The following ZFPM2 variants were observed in gnomAD, a reference collection of about 807,000 sequenced individuals.
ZFPM2 encodes zinc finger protein, FOG family member 2.
Under a neutral mutation model 98.6 loss-of-function variants are expected in ZFPM2, and 20 were observed. The observed-to-expected ratio is 0.20, with a 90% CI of 0.14 to 0.29. ZFPM2 has a LOEUF of 0.29. ZFPM2 is among the 10% of genes least tolerant of loss of function. ZFPM2 has a pLI of 1.00. For missense variants in ZFPM2, 1,310 were observed against 1,388.6 expected, an observed-to-expected ratio of 0.94 and a Z score of 0.90; for synonymous variants, 518 against 502.7, an observed-to-expected ratio of 1.03 and a Z score of -0.41.
At chr8:105,655,367 G>T (rs1817263690) in intron 5 of ZFPM2, among the ~76,000 whole-genome samples, 1 of 151,808 alleles carries the variant, frequency 6.6e-6, no homozygotes, top group African/African-American at 2.4e-5. Context: ...GAGTAGCTGG[G>T]ATTACAGGCA....
chr8:105,483,890 C>T (rs9297364), intron 3 of ZFPM2, among the ~76,000 whole-genome samples: 5 of 151,046 alleles, frequency 3.3e-5, no homozygotes, highest in South Asian at 2.1e-4. Flanking sequence ...CCTGCCACCA[C>T]GCCCGGCTAA....
In ZFPM2 at chr8:105,582,906, T is replaced by A. The variant is rs143518440; in HGVS notation, c.420+21425T>A. ...ACCGTGCCCCTCCTGTTTTCAGTTT[T>A]TAGTGTGACAATTTATCTGCCCAGG... On this transcript the variant is annotated intron_variant, in intron 4 of 7. Coordinates refer to ENST00000407775, the MANE Select transcript of ZFPM2 (RefSeq NM_012082.4). Among the ~76,000 whole-genome samples the A allele has an allele frequency of 2.3e-3, 349 of 152,322 alleles. 1 individual carries two copies. The highest frequency in any genetic ancestry group is 8.0e-3 in the African/African-American group (331 of 41,576).
intron 1 of ZFPM2, among the ~76,000 whole-genome samples, chr8:105,400,421 A>G (rs982978631): frequency 4.9e-4 from 74 of 151,360 alleles, no homozygotes; most frequent in Non-Finnish European, 8.4e-4. Flanking sequence ...CACTCCCCCT[A>G]CCCCACAACA....
chr8:105,341,837 A>G (rs1479842969), intron 1 of ZFPM2, among the ~76,000 whole-genome samples: 7 of 152,026 alleles, frequency 4.6e-5, no homozygotes, highest in Non-Finnish European at 8.8e-5. Context: ...GGTGAACACA[A>G]AGCATCTAGA....
intron 3 of ZFPM2, among the ~76,000 whole-genome samples, chr8:105,507,538 GTGA>G (rs1813728548): frequency 6.6e-6 from 1 of 152,208 alleles, no homozygotes; most frequent in South Asian, 2.1e-4. Flanking sequence ...AGTGTTGCAT[GTGA>G]AATTCAAATG....
chr8:105,500,605 A>G (rs1813571737), intron 3 of ZFPM2, among the ~76,000 whole-genome samples: 1 of 152,188 alleles, frequency 6.6e-6, no homozygotes, highest in Non-Finnish European at 1.5e-5. Context: ...GGTTTTAAGA[A>G]GTGATAATAT....
intron 5 of ZFPM2, among the ~76,000 whole-genome samples, chr8:105,706,426 A>G (rs1586209827): frequency 6.6e-6 from 1 of 152,202 alleles, no homozygotes; most frequent in East Asian, 1.9e-4. Context: ...TAAAATGCTC[A>G]AAGGATTACT....
chr8:105,512,507 C>G (rs188468053), intron 3 of ZFPM2, among the ~76,000 whole-genome samples: 35 of 152,256 alleles, frequency 2.3e-4, no homozygotes, highest in African/African-American at 8.4e-4. Context: ...TAGTTTTATG[C>G]ATTTTTTATC....
At chr8:105,617,826 A>G (rs1816451839) in intron 4 of ZFPM2, among the ~76,000 whole-genome samples, 1 of 152,174 alleles carries the variant, frequency 6.6e-6, no homozygotes, top group Admixed American at 6.5e-5. Flanking sequence ...AATCTATTCT[A>G]TGTTATAATC....
Position 105,334,018 on chromosome 8 carries a change from A to G in ZFPM2, c.40+15037A>G, listed in dbSNP as rs1346980138. Reference sequence around the variant, plus strand: ...TTTTTAACCAAATATAATTTTAATAAGTTACAAATTAATACCAATAATTAA... The same window carrying G: ...TTTTTAACCAAATATAATTTTAATAGGTTACAAATTAATACCAATAATTAA... On this transcript the variant is annotated intron_variant, in intron 1 of 7. Transcript: ENST00000407775. 2.6e-5 allele frequency among the ~76,000 whole-genome samples: 4 copies of G among 151,656 alleles called. No homozygotes were observed. The East Asian group carries it at 7.8e-4, about 30-fold the overall frequency.
chr8:105,708,473 A>T (rs776044480), intron 5 of ZFPM2, among the ~76,000 whole-genome samples: 48 of 152,086 alleles, frequency 3.2e-4, no homozygotes, highest in Admixed American at 2.1e-3. Flanking sequence ...TCCACTGCCC[A>T]GGCTGGAGTG....
intron 5 of ZFPM2, among the ~76,000 whole-genome samples, chr8:105,781,537 A>G (rs950419404): frequency 1.2e-4 from 19 of 152,088 alleles, no homozygotes; most frequent in African/African-American, 4.3e-4. Flanking sequence ...CCTGGGCAAC[A>G]TGGCAAAACC....
At chr8:105,651,288 T>A (rs1817168718) in intron 5 of ZFPM2, among the ~76,000 whole-genome samples, 1 of 152,108 alleles carries the variant, frequency 6.6e-6, no homozygotes, top group Non-Finnish European at 1.5e-5. Flanking sequence ...GTTTCAATCA[T>A]ACTCAATTGT....
chr8:105,664,414 C>A (rs1228672173), intron 5 of ZFPM2, among the ~76,000 whole-genome samples: 1 of 151,636 alleles, frequency 6.6e-6, no homozygotes, highest in Non-Finnish European at 1.5e-5. Context: ...CAGCTCACTG[C>A]AACCTCTGCC....
At chr8:105,736,396 A>G (rs1365978412) in intron 5 of ZFPM2, among the ~76,000 whole-genome samples, 1 of 151,914 alleles carries the variant, frequency 6.6e-6, no homozygotes, top group Non-Finnish European at 1.5e-5. Flanking sequence ...TGCTATATCA[A>G]CTCCAGACCC....
chr8:105,331,090 T>A (rs1812224337), intron 1 of ZFPM2, among the ~76,000 whole-genome samples: 2 of 150,616 alleles, frequency 1.3e-5, no homozygotes, highest in Admixed American at 6.7e-5. Flanking sequence ...CTCCCATTAT[T>A]TTTTTTGTTT....
intron 4 of ZFPM2, among the ~76,000 whole-genome samples, chr8:105,610,598 GT>G (rs1187857875): frequency 6.6e-6 from 1 of 152,016 alleles, no homozygotes; most frequent in Admixed American, 6.6e-5. Context: ...TCTCAAAGAT[GT>G]TTTTGTTTTA....
chr8:105,529,699 A>G (rs115725704), intron 3 of ZFPM2, among the ~76,000 whole-genome samples: 336 of 152,056 alleles, frequency 2.2e-3, no homozygotes, highest in African/African-American at 7.8e-3. Context: ...AGAAGAGCTA[A>G]GTTTATGCAG....
At chr8:105,497,597 T>A (rs1292727248) in intron 3 of ZFPM2, among the ~76,000 whole-genome samples, 1 of 152,222 alleles carries the variant, frequency 6.6e-6, no homozygotes, top group African/African-American at 2.4e-5. Context: ...CTGGACCCTT[T>A]ATCTGTTCAT....
Sources: gnomAD v4.1 joint callset for allele counts (sites outside exome capture counted in the v4.1 genomes callset) on GRCh38, gnomAD v4.1.1 for gene constraint, MANE v1.5 for transcripts, NCBI Gene and HGNC (gene_info 2026-07-23, HGNC 2026-07-21) for gene names.